MCTP2: variants seen among roughly 807,000 people sequenced by gnomAD.
The protein encoded by MCTP2 is multiple C2 and transmembrane domain containing 2, also known as multiple C2 and transmembrane domain-containing protein 2.
Under a neutral mutation model 111.6 loss-of-function variants are expected in MCTP2, and 132 were observed. The observed-to-expected ratio is 1.18, with a 90% confidence interval of 1.03 to 1.37. The LOEUF (loss-of-function observed/expected upper bound fraction) is 1.37, where lower values mean the gene tolerates loss of function less well. Ranked by LOEUF, MCTP2 falls within the 40% of genes most tolerant of loss-of-function variation. The pLI is 0.00. For missense variants in MCTP2, 1,183 were observed against 1,067.9 expected (o/e 1.11, Z -1.50); for synonymous variants, 395 against 387.7 (o/e 1.02, Z -0.22).
intron 1 of MCTP2, among the ~76,000 whole-genome samples, chr15:94,292,177 T>TA (rs1596282773): frequency 1.3e-5 from 2 of 152,142 alleles, no homozygotes; most frequent in East Asian, 3.8e-4. Flanking sequence ...AAATAATCCA[T>TA]AAAATTGATA....
At chr15:94,373,884 A>G (rs1434127458) in intron 12 of MCTP2, among the ~76,000 whole-genome samples, 3 of 152,222 alleles carry the variant, frequency 2.0e-5, no homozygotes, top group Non-Finnish European at 4.4e-5. Flanking sequence ...AAACCAGGCC[A>G]CAGCCTTGAT....
At position 94,243,431 on chromosome 15, in the gene MCTP2, A is replaced by G. The variant is rs1430430057; in HGVS notation, c.-66+11767A>G. Reference sequence around the variant, plus strand: ...CATACATACGTATGCGTATATGCGTATGTACATACATACGTATGCGTACAT... The same window carrying G: ...CATACATACGTATGCGTATATGCGTGTGTACATACATACGTATGCGTACAT... On this transcript the variant is annotated intron_variant, in intron 1 of 22. Coordinates refer to ENST00000357742, the MANE Select transcript of MCTP2 (RefSeq NM_001385001.1). 4.0e-5 allele frequency among the ~76,000 whole-genome samples: 6 copies of G among 149,522 alleles called. 1 individual carries two copies. The highest frequency in any genetic ancestry group is 9.9e-5 in the African/African-American group (4 of 40,482).
At chr15:94,333,658 C>T (rs907666348) in intron 4 of MCTP2, among the ~76,000 whole-genome samples, 1 of 152,130 alleles carries the variant, frequency 6.6e-6, no homozygotes, top group Admixed American at 6.6e-5. Context: ...ACAAAATCTT[C>T]AAATTCTATA....
chr15:94,323,644 T>C (rs1351696654), intron 4 of MCTP2, among the ~76,000 whole-genome samples: 1 of 152,204 alleles, frequency 6.6e-6, no homozygotes, highest in East Asian at 1.9e-4. Context: ...TTATTATTTA[T>C]TGTTGGATGA....
At chr15:94,276,118 A>C (rs377252477) in intron 1 of MCTP2, among the ~76,000 whole-genome samples, 6 of 152,152 alleles carry the variant, frequency 3.9e-5, no homozygotes, top group African/African-American at 7.2e-5. Context: ...TGCTGGGATT[A>C]CAGGTGTGAG....
At chr15:94,261,476 A>G (rs2073175516) in intron 1 of MCTP2, among the ~76,000 whole-genome samples, 1 of 152,186 alleles carries the variant, frequency 6.6e-6, no homozygotes, top group Non-Finnish European at 1.5e-5. Context: ...GCTGTAATGT[A>G]TAAAGTAGGG....
intron 4 of MCTP2, among the ~76,000 whole-genome samples, chr15:94,323,587 T>TA (rs1411734721): frequency 6.6e-6 from 1 of 152,188 alleles, no homozygotes; most frequent in African/African-American, 2.4e-5. Context: ...GGAGGTCTGG[T>TA]ATTGGGGAGC....
intron 4 of MCTP2, among the ~76,000 whole-genome samples, chr15:94,315,848 C>G (rs528157570): frequency 6.6e-6 from 1 of 152,262 alleles, no homozygotes; most frequent in African/African-American, 2.4e-5. Flanking sequence ...GTTAATGATA[C>G]GAATCATCAC....
chr15:94,251,515 C>T (rs1008013847), intron 1 of MCTP2, among the ~76,000 whole-genome samples: 6 of 151,680 alleles, frequency 4.0e-5, no homozygotes, highest in Non-Finnish European at 7.4e-5. Flanking sequence ...CCCGCCACCA[C>T]GCCTGGCTAA....
In MCTP2 at chr15:94,399,056, T is replaced by G; in HGVS notation, c.1884T>G (p.Tyr628Ter). 6.8e-7 allele frequency: 1 copy of G among 1,474,602 alleles called. No individual in the cohort carries two copies. Among genetic ancestry groups the G allele is most frequent in the East Asian group, 2.3e-5 (1 of 44,152 alleles). The allele number at this position is 1,474,602 out of a possible 1,614,324, so 91.3% of individuals were successfully genotyped here. Residue 628 changes from tyrosine (Y) to a stop codon, truncating the protein, a stop_gained, in exon 15 of 23, where the codon TAT (tyrosine) becomes TAG (stop). Coordinates refer to ENST00000357742, the MANE Select transcript of MCTP2 (RefSeq NM_001385001.1). LOFTEE classifies it high-confidence loss of function. Reference protein sequence around the residue: ...GVIYLEMDLIYNPVKASIRTF... With the variant: ...GVIYLEMDLI ...TTTACTTAGAGATGGACCTTATATA[T>G]AATCCGGTAAGTCTAGCTGGGTCAT...
intron 4 of MCTP2, among the ~76,000 whole-genome samples, chr15:94,336,193 TC>T (rs1242775583): frequency 4.6e-5 from 7 of 152,172 alleles, no homozygotes; most frequent in Non-Finnish European, 1.0e-4. Flanking sequence ...TGAGTCTCCT[TC>T]CCTCCTTCGC....
At chr15:94,305,151 A>C (rs951688003) in intron 2 of MCTP2, among the ~76,000 whole-genome samples, 3 of 152,170 alleles carry the variant, frequency 2.0e-5, no homozygotes, top group African/African-American at 7.2e-5. Context: ...ATTAAGGATA[A>C]GTGAGGTCAG....
chr15:94,381,896 G>T (rs1567579042), intron 12 of MCTP2, among the ~76,000 whole-genome samples: 1 of 152,146 alleles, frequency 6.6e-6, no homozygotes, highest in Non-Finnish European at 1.5e-5. Flanking sequence ...ACTTTTTGTG[G>T]GTGCAGATGG....
At chr15:94,302,090 T>C (rs1294301750) in intron 2 of MCTP2, among the ~76,000 whole-genome samples, 1 of 152,174 alleles carries the variant, frequency 6.6e-6, no homozygotes, top group African/African-American at 2.4e-5. Flanking sequence ...TGTTTTTAGC[T>C]TTCCAGAGGG....
At chr15:94,232,107 C>T (rs2070217277) in intron 1 of MCTP2, 1 of 152,128 alleles carries the variant, frequency 6.6e-6, no homozygotes, top group Non-Finnish European at 1.5e-5. Context: ...GACACCGGAG[C>T]AGAAATCCTT....
rs760814481 is a variant in MCTP2 at position 94,470,442 on chromosome 15, G to T, written c.2470G>T (p.Gly824Cys). Residue 824 changes from glycine to cysteine, a missense_variant and splice_region_variant, in exon 21 of 23, where the codon GGC (glycine) becomes TGC (cysteine). Gly to Cys is a radical substitution (Grantham distance 159, BLOSUM62 -3). Coordinates refer to ENST00000357742, the MANE Select transcript of MCTP2 (RefSeq NM_001385001.1). ...ACTGCGGTACATCATTTTAATCTGG[G>T]GTAAGTTTGGAATGGTCCTTTTGCT... Reference protein sequence around the residue: ...IPLRYIILIWGINKFTKKLRN... With the variant: ...IPLRYIILIWCINKFTKKLRN... 8.2e-6 allele frequency: 13 copies of T among 1,595,062 alleles called. No homozygotes were observed. Among genetic ancestry groups the T allele is most frequent in the Non-Finnish European group, 1.0e-5 (12 of 1,162,954 alleles).
Position 94,356,258 on chromosome 15 carries a change from T to C in MCTP2, c.1127T>C (p.Met376Thr). ...KNVSGGSMTE[M>T]FVQLKLGDQR... The stretch of plus-strand genomic sequence containing the variant: ...GTCTCAGGAGGAAGCATGACAGAGA[T>C]GTTTGTCCAGTTAAAACTGGGAGAT... Residue 376 changes from methionine (M) to threonine (T), a missense_variant, in exon 9 of 23, where the codon ATG becomes ACG. Coordinates refer to ENST00000357742, the MANE Select transcript of MCTP2 (RefSeq NM_001385001.1). 1 of 1,612,002 alleles carries C rather than the reference T, an allele frequency of 6.2e-7. No homozygotes were observed. Among genetic ancestry groups the C allele is most frequent in the Admixed American group, 1.7e-5 (1 of 59,836 alleles).
At position 94,447,673 on chromosome 15, in the gene MCTP2, G is replaced by C. The variant is rs570316484; in HGVS notation, c.2250+4713G>C. On this transcript the variant is annotated intron_variant, in intron 19 of 22. Transcript: ENST00000357742. ...ATTACAGGCATGAGCCACCATGACC[G>C]GCCTGTTTGCGCTTTCTTAAGAATG... 1.1e-4 allele frequency among the ~76,000 whole-genome samples: 16 copies of C among 152,268 alleles called. No individual in the cohort carries two copies. In the East Asian group the frequency reaches 2.5e-3, roughly 24 times the overall value.
At chr15:94,403,015 C>G in intron 17 of MCTP2, 1 of 997,266 alleles carries the variant, frequency 1.0e-6, no homozygotes, top group Non-Finnish European at 1.2e-6. Flanking sequence ...TTTATTAGCC[C>G]AAGAAGCCAA....
Sources: allele counts gnomAD v4.1 joint callset (sites outside exome capture counted in the v4.1 genomes callset), GRCh38; gene constraint gnomAD v4.1.1; transcripts MANE v1.5; gene names NCBI Gene and HGNC (gene_info 2026-07-23, HGNC 2026-07-21).